The following SP7 variants were observed in gnomAD, a reference collection of about 807,000 sequenced individuals.
SP7 encodes transcription factor Sp7.
In SP7, 13 loss-of-function variants were observed where a neutral mutation model predicts 27.9. That is an observed-to-expected ratio of 0.47 (90% CI 0.30 to 0.74). The LOEUF (loss-of-function observed/expected upper bound fraction) is 0.74, where lower values mean the gene tolerates loss of function less well. Ranked by LOEUF, SP7 falls within the 30% of genes least tolerant of loss-of-function variation. The pLI is 0.06. For synonymous variants in SP7, 219 were observed against 226.7 expected (o/e 0.97, Z 0.31); for missense variants, 525 against 558.0 (o/e 0.94, Z 0.60).
In SP7 at chr12:53,328,829, G is replaced by A. The variant is rs369506520; in HGVS notation, c.613C>T (p.Leu205Phe). Residue 205 changes from leucine to phenylalanine, a missense_variant, in exon 3 of 3, where the codon CTT becomes TTT. Transcript: ENST00000536324. The surrounding 1 kb of genome is among the most constrained non-coding windows in gnomAD (Gnocchi z 5.1). ...GGAGCTGGGTAGGGGGCTGGATTAA[G>A]GGGAGCAAAGTCAGATGGGTAGGTG... ...LPTYPSDFAP[L>F]NPAPYPAPHL... 5 of 1,600,360 alleles carry A rather than the reference G, an allele frequency of 3.1e-6. No homozygotes were observed. Among genetic ancestry groups the A allele is most frequent in the Non-Finnish European group, 4.3e-6 (5 of 1,170,842 alleles).
At position 53,329,420 on chromosome 12, in the gene SP7, C is replaced by T. The variant is rs1174971088; in HGVS notation, c.22G>A (p.Glu8Lys). Residue 8 changes from glutamate to lysine, a missense_variant and splice_region_variant, in exon 3 of 3, where the codon GAG becomes AAG. Glu to Lys is a moderately conservative substitution (Grantham distance 56). Coordinates refer to ENST00000536324, the MANE Select transcript of SP7 (RefSeq NM_001173467.3). Reference protein sequence around the residue: MASSLLEEEVHYGSSPLA... With the variant: MASSLLEKEVHYGSSPLA... ...GGACTGGAGCCATAGTGAACTTCCT[C>T]CTGTGGAAAGAGGGACGCACTGCTT... is the stretch of plus-strand genomic sequence containing the variant. 1.2e-6 allele frequency: 2 copies of T among 1,613,602 alleles called. No homozygotes were observed. Among genetic ancestry groups the T allele is most frequent in the Non-Finnish European group, 1.7e-6 (2 of 1,179,636 alleles).
rs955491936 is a variant in SP7, at chr12:53,329,679, G to A, written c.22-259C>T. Among the ~76,000 whole-genome samples, 6 of 152,284 alleles carry A rather than the reference G, an allele frequency of 3.9e-5. No homozygotes were observed. In the South Asian group the frequency reaches 1.2e-3, roughly 32 times the overall value. On this transcript the variant is annotated intron_variant, in intron 2 of 2. Transcript: ENST00000536324. ...CCCAACCCAGAAGGCAGGAAGCAGA[G>A]CTCATTCTGGAGTTGCTAGGGGTGT...
chr12:53,329,832 A>G (rs1944683890), intron 2 of SP7, among the ~76,000 whole-genome samples: 2 of 151,988 alleles, frequency 1.3e-5, no homozygotes, highest in African/African-American at 2.4e-5. Flanking sequence ...CCCGGGTTCA[A>G]GAGATTCCCC....
intron 1 of SP7, among the ~76,000 whole-genome samples, chr12:53,341,750 C>T (rs780258806): frequency 4.6e-5 from 7 of 151,974 alleles, no homozygotes; most frequent in East Asian, 1.9e-4. Context: ...TTGAGACTAG[C>T]GTGGCCAACA....
At chr12:53,335,819 C>CTA in intron 1 of SP7, 126 bp from the exon 2 acceptor site, 1 of 1,409,648 alleles carries the variant, frequency 7.1e-7, no homozygotes. Flanking sequence ...CTGTAGGGAT[C>CTA]CACCCTCTAA....
At position 53,328,895 on chromosome 12, in the gene SP7, G is replaced by T. The variant is rs1276696695; in HGVS notation, c.547C>A (p.Pro183Thr). The change falls in exon 3 of 3, where the codon CCC (proline) becomes ACC (threonine). Residue 183 changes from proline (P) to threonine (T), a missense_variant. Coordinates refer to ENST00000536324, the MANE Select transcript of SP7 (RefSeq NM_001173467.3). This position sits in a 1 kb window ranked among gnomAD's most constrained non-coding sequence, Gnocchi z 5.1. ...GQGDGLQGTL[P>T]TGPAQPPLNP... ...AGTGGAGGCTGAGCTGGACCTGTGG[G>T]CAGTGTCCCTTGCAGCCCATCACCC... 1 of 1,611,772 alleles carries T rather than the reference G, an allele frequency of 6.2e-7. No individual in the cohort carries two copies. The highest frequency in any genetic ancestry group is 8.5e-7 in the Non-Finnish European group (1 of 1,178,540).
intron 2 of SP7, among the ~76,000 whole-genome samples, chr12:53,333,075 G>A (rs550840354): frequency 1.3e-5 from 2 of 152,306 alleles, no homozygotes; most frequent in East Asian, 1.9e-4. Flanking sequence ...GAGGCCCAGA[G>A]GGCCCTCGAG....
Position 53,329,029 on chromosome 12 carries a change from C to G in SP7, c.413G>C (p.Trp138Ser), listed in dbSNP as rs779686018. The change falls in exon 3 of 3, where the codon TGG becomes TCG. Residue 138 changes from tryptophan (W) to serine (S), a missense_variant. Physicochemically the swap from Trp to Ser is radical, Grantham distance 177. Transcript: ENST00000536324. The part of the protein sequence containing the change: ...SLDMTHPYGS[W>S]YKAGIHAGIS... ...GCCTGCATGGATGCCTGCCTTGTAC[C>G]AGGAGCCATAGGGGTGTGTCATGTC... 7 of 1,613,684 alleles carry G rather than the reference C, an allele frequency of 4.3e-6. No individual in the cohort carries two copies. Among genetic ancestry groups the G allele is most frequent in the Non-Finnish European group, 5.9e-6 (7 of 1,179,856 alleles).
intron 1 of SP7, among the ~76,000 whole-genome samples, chr12:53,343,005 G>A (rs993890211): frequency 2.6e-5 from 4 of 151,446 alleles, no homozygotes; most frequent in African/African-American, 9.7e-5. Context: ...AGTAAAAAAA[G>A]GAAGAGTGGT....
In SP7 at chr12:53,328,142, C is replaced by T. The variant is rs115168998; in HGVS notation, c.*4G>A. ...GCCCTGGGGTGGGAGACCTTCCACC[C>T]GGCTCAGATCTCCAGCAAGTTGCTC... On this transcript the variant is annotated 3_prime_UTR_variant, in exon 3 of 3. Transcript: ENST00000536324. This position sits in a 1 kb window ranked among gnomAD's most constrained non-coding sequence, Gnocchi z 5.1. 1.0e-3 allele frequency: 1,639 copies of T among 1,605,024 alleles called. 14 individuals carry two copies. The African/African-American group carries it at 0.019, about 18-fold the overall frequency.
rs1373494439 is a variant in SP7, at chr12:53,329,350, C to A, written c.92G>T (p.Ser31Ile). Residue 31 changes from serine (S) to isoleucine (I), a missense_variant, in exon 3 of 3, where the codon AGC becomes ATC. Physicochemically the swap from Ser to Ile is moderately radical, Grantham distance 142. Coordinates refer to ENST00000536324, the MANE Select transcript of SP7 (RefSeq NM_001173467.3). ...TAACSKFGGS[S>I]PLRDSTTLGK... is the part of the protein sequence containing the mutation. ...CAGAGTTGTTGAGTCCCGCAGAGGGCTAGAGCCACCAAATTTGCTGCACGC... is the reference window on the plus strand; with the variant it reads ...CAGAGTTGTTGAGTCCCGCAGAGGGATAGAGCCACCAAATTTGCTGCACGC... The A allele has an allele frequency of 6.2e-7, 1 of 1,613,998 alleles. No homozygotes were observed. The highest frequency in any genetic ancestry group is 8.5e-7 in the Non-Finnish European group (1 of 1,179,900).
upstream of SP7, among the ~76,000 whole-genome samples, chr12:53,338,663 C>T (rs1944796063): frequency 6.6e-6 from 1 of 152,110 alleles, no homozygotes; most frequent in Non-Finnish European, 1.5e-5. Flanking sequence ...TCAAACCCTA[C>T]TATTCTCTAT....
upstream of SP7, among the ~76,000 whole-genome samples, chr12:53,341,183 C>A (rs776290237): frequency 1.3e-5 from 2 of 152,242 alleles, no homozygotes; most frequent in Non-Finnish European, 2.9e-5. Context: ...TCTGCTAGGT[C>A]TCCCCATCCC....
At chr12:53,334,907 C>A (rs992920908) in intron 2 of SP7, among the ~76,000 whole-genome samples, 1 of 152,218 alleles carries the variant, frequency 6.6e-6, no homozygotes, top group African/African-American at 2.4e-5. Flanking sequence ...CGCCCTGGAG[C>A]CTCCCACTCC....
Position 53,329,322 on chromosome 12 carries a change from G to A in SP7, c.120C>T (p.Gly40=). The change falls in exon 3 of 3, where the codon GGC becomes GGT. Residue 40 remains glycine (G), a synonymous_variant. Coordinates refer to ENST00000536324, the MANE Select transcript of SP7 (RefSeq NM_001173467.3). ...SSPLRDSTTL[G]KAGTKKPYSV... Reference sequence around the variant, plus strand: ...AGTACGGCTTCTTTGTGCCTGCTTTGCCCAGAGTTGTTGAGTCCCGCAGAG... The same window carrying A: ...AGTACGGCTTCTTTGTGCCTGCTTTACCCAGAGTTGTTGAGTCCCGCAGAG... 6 of 1,613,962 alleles carry A rather than the reference G, an allele frequency of 3.7e-6. No individual in the cohort carries two copies. Among genetic ancestry groups the A allele is most frequent in the East Asian group, 2.2e-5 (1 of 44,872 alleles).
upstream of SP7, among the ~76,000 whole-genome samples, chr12:53,340,213 G>A (rs998709497): frequency 2.3e-4 from 35 of 151,636 alleles, no homozygotes; most frequent in Admixed American, 1.1e-3. Flanking sequence ...CTCCCCACAT[G>A]GACTCACAGA....
At chr12:53,335,601 C>G in intron 2 of SP7, 25 bp downstream of exon 2, 1 of 1,288,348 alleles carries the variant, frequency 7.8e-7, no homozygotes. Context: ...TGGCTGGTTT[C>G]CTGGGGGGAA....
At chr12:53,330,547 G>C (rs1314565781) in intron 2 of SP7, among the ~76,000 whole-genome samples, 2 of 152,178 alleles carry the variant, frequency 1.3e-5, no homozygotes, top group African/African-American at 4.8e-5. Context: ...AAGAACTGGG[G>C]ATAGAGACAG....
chr12:53,338,877 T>A (rs1944798188), upstream of SP7, among the ~76,000 whole-genome samples: 2 of 152,282 alleles, frequency 1.3e-5, no homozygotes, highest in South Asian at 2.1e-4. Flanking sequence ...GACTTCTCCA[T>A]GTCCTTTTTA....
Sources: allele counts gnomAD v4.1 joint callset (sites outside exome capture counted in the v4.1 genomes callset), GRCh38; gene constraint gnomAD v4.1.1; non-coding constraint Gnocchi (gnomAD v3.1); transcripts MANE v1.5; gene names NCBI Gene and HGNC (gene_info 2026-07-23, HGNC 2026-07-21).